Variants in ARF4 observed in about 807,000 individuals in gnomAD.
ARF4 encodes ADP-ribosylation factor 4.
ARF4 carries 5 observed loss-of-function variants against 24.3 expected under a neutral mutation model. The observed-to-expected ratio is 0.21, with a 90% CI of 0.11 to 0.43. The LOEUF (loss-of-function observed/expected upper bound fraction) is 0.43, where lower values mean the gene tolerates loss of function less well. ARF4 is among the 20% of genes least tolerant of loss of function. The probability of loss-of-function intolerance (pLI) is 1.00; values close to 1 mark genes in which losing one functional copy is unlikely to be tolerated. For synonymous variants in ARF4, 62 were observed against 73.5 expected, an observed-to-expected ratio of 0.84 and a Z score of 0.80; for missense variants, 107 against 213.0, an observed-to-expected ratio of 0.50 and a Z score of 3.10.
chr3:57,586,857 G>C (rs1416427158), intron 1 of ARF4, among the ~76,000 whole-genome samples: 2 of 152,114 alleles, frequency 1.3e-5, no homozygotes, highest in African/African-American at 4.8e-5. Context: ...GAAAGCATCA[G>C]ATTTTTAAGT....
chr3:57,595,355 T>A (rs1279987543), intron 1 of ARF4, among the ~76,000 whole-genome samples: 1 of 152,238 alleles, frequency 6.6e-6, no homozygotes, highest in African/African-American at 2.4e-5. Context: ...GAAATTCATT[T>A]ATCACAGTCC....
In ARF4 at chr3:57,584,474, G is replaced by C. The variant is rs369343914; in HGVS notation, c.68-10C>G. 4 of 1,606,068 alleles carry C rather than the reference G, an allele frequency of 2.5e-6. No homozygotes were observed. The highest frequency in any genetic ancestry group is 1.3e-5 in the African/African-American group (1 of 74,798). ...GCAGCATCCAATCCAACTAGAAGAA[G>C]ACATTATAGATTTAAAATCCAGACC... is the stretch of plus-strand genomic sequence containing the variant. On this transcript the variant is annotated splice_polypyrimidine_tract_variant and intron_variant, in intron 1 of 5. Transcript: ENST00000303436.
At chr3:57,572,515 G>C (rs73082501) in intron 5 of ARF4, among the ~76,000 whole-genome samples, 20,299 of 151,872 alleles carry the variant, frequency 0.13, 1,439 homozygotes, top group South Asian at 0.21. Flanking sequence ...GAGCTTAGTA[G>C]TTCGAGACCA....
intron 1 of ARF4, 166 bp downstream of exon 1, chr3:57,596,908 C>T (rs2070195680): frequency 1.5e-6 from 1 of 671,776 alleles, no homozygotes; most frequent in South Asian, 1.9e-5. Flanking sequence ...GGGGGGATCG[C>T]TCACCCTCCG....
intron 1 of ARF4, among the ~76,000 whole-genome samples, chr3:57,588,906 C>T (rs562300218): frequency 6.6e-6 from 1 of 152,130 alleles, no homozygotes; most frequent in Non-Finnish European, 1.5e-5. Context: ...AATTAGAGAC[C>T]AGCCTGACCA....
chr3:57,575,484 C>A, intron 5 of ARF4, 64 bp downstream of exon 5: 1 of 1,464,772 alleles, frequency 6.8e-7, no homozygotes. Flanking sequence ...TGAATATTAG[C>A]TTACACAACT....
intron 5 of ARF4, 27 bp downstream of exon 5, chr3:57,575,521 G>A: frequency 6.3e-7 from 1 of 1,598,094 alleles, no homozygotes; most frequent in South Asian, 1.1e-5. Flanking sequence ...ATAGTCAAGA[G>A]GTTAATATCA....
chr3:57,588,713 T>C (rs561928821), intron 1 of ARF4, among the ~76,000 whole-genome samples: 26 of 137,972 alleles, frequency 1.9e-4, no homozygotes, highest in Non-Finnish European at 3.1e-4. Context: ...TCCCAGCATG[T>C]TGGGAGGCTG....
intron 4 of ARF4, among the ~76,000 whole-genome samples, 184 bp downstream of exon 4, chr3:57,577,132 C>T (rs142795487): frequency 0.013 from 1,902 of 151,488 alleles, 24 homozygotes; most frequent in Non-Finnish European, 0.018. Context: ...TTTTTTAAAA[C>T]GCTCTATAAG....
At chr3:57,574,266 A>C (rs1451271541) in intron 5 of ARF4, among the ~76,000 whole-genome samples, 1 of 151,896 alleles carries the variant, frequency 6.6e-6, no homozygotes, top group Non-Finnish European at 1.5e-5. Flanking sequence ...TGTTTGTTTC[A>C]TTTTTTACCA....
chr3:57,586,772 A>G (rs2070041857), intron 1 of ARF4, among the ~76,000 whole-genome samples: 1 of 152,228 alleles, frequency 6.6e-6, no homozygotes, highest in Non-Finnish European at 1.5e-5. Flanking sequence ...TGGCATCTTT[A>G]GTAACAAGAT....
intron 3 of ARF4, among the ~76,000 whole-genome samples, chr3:57,580,222 C>T (rs878926794): frequency 3.3e-5 from 5 of 151,942 alleles, no homozygotes; most frequent in Admixed American, 1.3e-4. Context: ...GACTATGCCT[C>T]GTCTAAATAA....
At chr3:57,583,818 A>G (rs1227269644) in intron 3 of ARF4, 80 bp downstream of exon 3, 8 of 965,928 alleles carry the variant, frequency 8.3e-6, no homozygotes, top group South Asian at 7.1e-5. Flanking sequence ...CCAATATCCA[A>G]GTAAATACTA....
chr3:57,592,706 A>C (rs1417899473), intron 1 of ARF4, among the ~76,000 whole-genome samples: 1 of 152,208 alleles, frequency 6.6e-6, no homozygotes, highest in Admixed American at 6.5e-5. Context: ...GGCTGTACCT[A>C]TCAGCCAGTG....
At chr3:57,589,455 C>T (rs1209138865) in intron 1 of ARF4, among the ~76,000 whole-genome samples, 3 of 152,192 alleles carry the variant, frequency 2.0e-5, no homozygotes, top group Non-Finnish European at 4.4e-5. Context: ...CCCCGTGGCT[C>T]ACACCTGTAA....
intron 1 of ARF4, chr3:57,596,853 G>T: frequency 1.9e-6 from 1 of 535,990 alleles, no homozygotes; most frequent in East Asian, 3.3e-5. Flanking sequence ...AAGAAATCTT[G>T]CCCGAAGCCC....
At chr3:57,580,706 C>T (rs1263685151) in intron 3 of ARF4, among the ~76,000 whole-genome samples, 1 of 151,986 alleles carries the variant, frequency 6.6e-6, no homozygotes, top group East Asian at 1.9e-4. Flanking sequence ...GAAACCTACC[C>T]TTTACAAGAG....
chr3:57,596,979 C>T, intron 1 of ARF4, 95 bp downstream of exon 1: 1 of 1,379,164 alleles, frequency 7.3e-7, no homozygotes, highest in Non-Finnish European at 1.0e-6. Context: ...TCCCCCACCA[C>T]AGCGGGCGGA....
At chr3:57,587,156 TA>T in intron 1 of ARF4, among the ~76,000 whole-genome samples, 1 of 151,748 alleles carries the variant, frequency 6.6e-6, no homozygotes, top group Non-Finnish European at 1.5e-5. Context: ...CCGTCTCTAC[TA>T]AAAATACAGA....
Sources: gnomAD v4.1 joint callset for allele counts (sites outside exome capture counted in the v4.1 genomes callset) on GRCh38, gnomAD v4.1.1 for gene constraint, MANE v1.5 for transcripts, NCBI Gene and HGNC (gene_info 2026-07-23, HGNC 2026-07-21) for gene names.